Variants in OPHN1 observed in about 807,000 individuals in gnomAD.
The protein encoded by OPHN1 is oligophrenin 1, also known as oligophrenin-1.
In OPHN1, 11 loss-of-function variants were observed where a neutral mutation model predicts 60.7. That is an observed-to-expected ratio of 0.18 (90% CI 0.11 to 0.30). The LOEUF is 0.30. Among genes scored for constraint, OPHN1 ranks in the 10% least tolerant of loss-of-function variants. OPHN1 has a pLI of 1.00. For missense variants in OPHN1, 449 were observed against 611.0 expected (o/e 0.73, Z 2.80); for synonymous variants, 226 against 222.6 (o/e 1.02, Z -0.14).
intron 2 of OPHN1, among the ~76,000 whole-genome samples, chrX:68,343,223 G>A (rs964284152): frequency 5.0e-5 from 5 of 100,667 alleles, no homozygotes; most frequent in Non-Finnish European, 8.0e-5. Flanking sequence ...ACAGTGAGTC[G>A]AGATCATGCC....
At chrX:68,144,220 G>A (rs5919531) in intron 15 of OPHN1, among the ~76,000 whole-genome samples, 22,737 of 108,569 alleles carry the variant, frequency 0.21, 2,004 homozygotes, top group Middle Eastern at 0.31. Flanking sequence ...GGTAGAGACC[G>A]GGTTTTGCCA....
rs1254752675 is a variant in OPHN1 at position 68,340,922 on chromosome X, C to T, written c.155-41826G>A. On this transcript the variant is annotated intron_variant, in intron 2 of 24. Transcript: ENST00000355520. The stretch of plus-strand genomic sequence containing the variant: ...CGGAGAGGCTGAGGCAGGAGAACCG[C>T]TTGAACCCGGGAGGTGGAGGTTGCA... 3.7e-5 allele frequency among the ~76,000 whole-genome samples: 4 copies of T among 107,747 alleles called. No homozygotes were observed. In the East Asian group the frequency reaches 1.2e-3, roughly 31 times the overall value. The allele number at this position is 107,747 out of a possible 115,157, so 93.6% of individuals were successfully genotyped here. A position where few individuals can be genotyped will look rare whatever the true frequency, so the allele number is the denominator to read the frequency against.
intron 15 of OPHN1, among the ~76,000 whole-genome samples, chrX:68,155,891 A>T (rs894792250): frequency 8.9e-6 from 1 of 112,231 alleles, no homozygotes; most frequent in African/African-American, 3.2e-5. Context: ...TATGGCAAGT[A>T]CCAAATCTAT....
chrX:68,328,882 G>A (rs1191909491), intron 2 of OPHN1, among the ~76,000 whole-genome samples: 1 of 112,153 alleles, frequency 8.9e-6, no homozygotes, highest in Non-Finnish European at 1.9e-5. Context: ...TTTCACATCC[G>A]TCAGATTGGC....
intron 6 of OPHN1, among the ~76,000 whole-genome samples, chrX:68,218,301 G>C (rs1476161911): frequency 9.2e-6 from 1 of 108,278 alleles, no homozygotes; most frequent in Non-Finnish European, 1.9e-5. Flanking sequence ...ATCTATGTCT[G>C]ATTGGTGTAC....
intron 19 of OPHN1, among the ~76,000 whole-genome samples, chrX:68,076,712 T>C (rs1369609433): frequency 8.9e-6 from 1 of 112,130 alleles, no homozygotes. Context: ...TCGTACAGAC[T>C]GTACACAAAT....
At chrX:68,336,367 T>A (rs1427425357) in intron 2 of OPHN1, 1 of 108,382 alleles carries the variant, frequency 9.2e-6, no homozygotes, top group Non-Finnish European at 1.9e-5. Context: ...TACAAAAAAA[T>A]AAAATAATAA....
At chrX:68,187,507 CAA>C (rs55901805) in intron 15 of OPHN1, among the ~76,000 whole-genome samples, 21 of 80,295 alleles carry the variant, frequency 2.6e-4, no homozygotes, top group Admixed American at 2.7e-4. Flanking sequence ...CTGTCTTCTC[CAA>C]AAAAAAAAAA....
chrX:68,344,968 G>C (rs2078372248), intron 2 of OPHN1, among the ~76,000 whole-genome samples: 1 of 111,427 alleles, frequency 9.0e-6, no homozygotes. Context: ...ACAACATAGG[G>C]ACCCAGATAG....
chrX:68,409,320 T>C (rs2078758663), intron 2 of OPHN1, among the ~76,000 whole-genome samples: 2 of 111,599 alleles, frequency 1.8e-5, no homozygotes, highest in Admixed American at 9.6e-5. Flanking sequence ...CTGACTCTCA[T>C]GAACACACAG....
chrX:68,188,840 C>A (rs969943483), intron 15 of OPHN1, among the ~76,000 whole-genome samples: 3 of 111,889 alleles, frequency 2.7e-5, no homozygotes, highest in African/African-American at 9.7e-5. Flanking sequence ...GAATAATTCA[C>A]ATTAATTATG....
chrX:68,373,107 T>G (rs1263845326), intron 2 of OPHN1, among the ~76,000 whole-genome samples: 1 of 111,980 alleles, frequency 8.9e-6, no homozygotes, highest in Non-Finnish European at 1.9e-5. Context: ...GAGAAGGTTC[T>G]TCAGCCTTTT....
At chrX:68,220,417 C>T (rs1206166508) in intron 6 of OPHN1, among the ~76,000 whole-genome samples, 3 of 111,210 alleles carry the variant, frequency 2.7e-5, no homozygotes, top group Non-Finnish European at 3.8e-5. Flanking sequence ...GGGAATCCTC[C>T]CTAACTCATT....
chrX:68,070,587 C>A (rs2076929791), intron 20 of OPHN1: 1 of 654,374 alleles, frequency 1.5e-6, no homozygotes, highest in African/African-American at 2.1e-5. Flanking sequence ...ACTGGCACCA[C>A]CCGTAGTGCT....
intron 2 of OPHN1, among the ~76,000 whole-genome samples, chrX:68,419,485 C>A (rs2078815950): frequency 9.1e-6 from 1 of 109,808 alleles, no homozygotes; most frequent in Non-Finnish European, 1.9e-5. Flanking sequence ...AATAAAAAAG[C>A]AAGTAGTCTA....
intron 6 of OPHN1, among the ~76,000 whole-genome samples, chrX:68,226,756 G>C (rs1309184522): frequency 1.8e-5 from 2 of 111,467 alleles, no homozygotes; most frequent in East Asian, 5.6e-4. Context: ...GGAACAACCA[G>C]TACCAGCCAC....
intron 5 of OPHN1, among the ~76,000 whole-genome samples, chrX:68,264,910 C>A (rs2077915135): frequency 8.9e-6 from 1 of 112,442 alleles, no homozygotes; most frequent in Non-Finnish European, 1.9e-5. Flanking sequence ...GGTCCTACGC[C>A]CACAGAGCCT....
intron 2 of OPHN1, among the ~76,000 whole-genome samples, chrX:68,347,883 A>T (rs918976400): frequency 4.5e-5 from 5 of 112,025 alleles, no homozygotes; most frequent in African/African-American, 1.6e-4. Flanking sequence ...GAGAGAAAAG[A>T]CACATGGATT....
chrX:68,091,822 A>T (rs1048423866), intron 19 of OPHN1, among the ~76,000 whole-genome samples: 1 of 111,361 alleles, frequency 9.0e-6, no homozygotes, highest in Non-Finnish European at 1.9e-5. Flanking sequence ...AGCCAACAAC[A>T]TGAGGTTCAG....
Sources: gnomAD v4.1 joint callset for allele counts (sites outside exome capture counted in the v4.1 genomes callset) on GRCh38, gnomAD v4.1.1 for gene constraint, MANE v1.5 for transcripts, NCBI Gene and HGNC (gene_info 2026-07-23, HGNC 2026-07-21) for gene names.